EPG5: variants seen among roughly 807,000 people sequenced by gnomAD.
The protein encoded by EPG5 is ectopic P granules protein 5 homolog.
In EPG5, 159 loss-of-function variants were observed where a neutral mutation model predicts 302.7. The observed-to-expected ratio is 0.53, with a 90% CI of 0.46 to 0.60. The LOEUF is 0.60. EPG5 is among the 20% of genes least tolerant of loss of function. EPG5 has a pLI of 0.00. For synonymous variants in EPG5, 1,158 were observed against 1,136.8 expected (o/e 1.02, Z -0.37); for missense variants, 2,896 against 3,092.4 (o/e 0.94, Z 1.51).
chr18:45,922,554 G>A lies in EPG5; in HGVS notation c.2885C>T (p.Thr962Ile), dbSNP rs1343325094. ...ATTCCAGGCCCATTGGTTAAATGAG[G>A]TCTCGGGTGTCTCTCCATATCGAAC... is the stretch of plus-strand genomic sequence containing the variant. Reference protein sequence around the residue: ...SIVRYGETPETSFNQWAWNLI... With the variant: ...SIVRYGETPEISFNQWAWNLI... Residue 962 changes from threonine to isoleucine, a missense_variant, in exon 16 of 44, where the codon ACC (threonine) becomes ATC (isoleucine). Thr to Ile is a moderately conservative substitution (Grantham distance 89). Coordinates refer to ENST00000282041, the MANE Select transcript of EPG5 (RefSeq NM_020964.3). 2 of 1,614,198 alleles carry A rather than the reference G, an allele frequency of 1.2e-6. No individual in the cohort carries two copies. Among genetic ancestry groups the A allele is most frequent in the Admixed American group, 1.7e-5 (1 of 60,026 alleles).
intron 35 of EPG5, among the ~76,000 whole-genome samples, chr18:45,874,827 G>A (rs577259352): frequency 5.3e-4 from 81 of 152,266 alleles, no homozygotes; most frequent in Non-Finnish European, 5.9e-4. Flanking sequence ...TGTATTCAGT[G>A]GAAGAAAACA....
intron 35 of EPG5, among the ~76,000 whole-genome samples, chr18:45,875,843 T>C (rs1246448935): frequency 6.6e-6 from 1 of 152,096 alleles, no homozygotes; most frequent in Non-Finnish European, 1.5e-5. Flanking sequence ...TAGCCTGAGC[T>C]CAGGAGTTTG....
At chr18:45,880,317 A>C (rs986467984) in intron 31 of EPG5, 94 bp from the exon 32 acceptor site, 122 of 1,220,388 alleles carry the variant, frequency 1.0e-4, no homozygotes, top group Non-Finnish European at 1.3e-4. Context: ...TAAAGGAATA[A>C]AAATAAAGCC....
chr18:45,816,319 G>C, the EPG5 span, among the ~76,000 whole-genome samples: 17 of 151,882 alleles, frequency 1.1e-4, no homozygotes, highest in Non-Finnish European at 2.2e-4. Flanking sequence ...TTCAGCAAAA[G>C]GTATCGTCAG....
chr18:45,896,796 C>G (rs1428610593), intron 27 of EPG5, among the ~76,000 whole-genome samples: 3 of 152,194 alleles, frequency 2.0e-5, no homozygotes, highest in Non-Finnish European at 4.4e-5. Flanking sequence ...ATCTGCCCAC[C>G]TCAACCTCCC....
chr18:45,828,865 T>C, the EPG5 span, among the ~76,000 whole-genome samples: 1 of 151,842 alleles, frequency 6.6e-6, no homozygotes, highest in African/African-American at 2.4e-5. Context: ...GATGCAGGGG[T>C]GCTTATTCGG....
chr18:45,903,009 C>A (rs187425202), intron 25 of EPG5, among the ~76,000 whole-genome samples: 3 of 152,178 alleles, frequency 2.0e-5, no homozygotes, highest in African/African-American at 7.2e-5. Flanking sequence ...TTAACTCCAG[C>A]GAAAACAATT....
intron 1 of EPG5, among the ~76,000 whole-genome samples, chr18:45,958,371 G>A (rs2051076523): frequency 6.6e-6 from 1 of 152,104 alleles, no homozygotes; most frequent in Admixed American, 6.5e-5. Context: ...ACAACAGACA[G>A]AAAATCTTGA....
the EPG5 span, among the ~76,000 whole-genome samples, chr18:45,814,345 G>T: frequency 6.6e-6 from 1 of 152,150 alleles, no homozygotes; most frequent in East Asian, 1.9e-4. Flanking sequence ...AGAGATAAAG[G>T]CTCGAGAAAT....
At chr18:45,901,697 A>G (rs931821646) in intron 25 of EPG5, among the ~76,000 whole-genome samples, 4 of 152,174 alleles carry the variant, frequency 2.6e-5, no homozygotes, top group African/African-American at 9.7e-5. Flanking sequence ...ATGCAGTCAT[A>G]TAGTCCATCA....
At chr18:45,810,194 A>G in the EPG5 span, among the ~76,000 whole-genome samples, 1 of 152,210 alleles carries the variant, frequency 6.6e-6, no homozygotes, top group Non-Finnish European at 1.5e-5. Context: ...ACAGACCAAT[A>G]TCAAGCAGTG....
chr18:45,862,956 G>C (rs1015627033), intron 39 of EPG5, among the ~76,000 whole-genome samples: 1 of 152,128 alleles, frequency 6.6e-6, no homozygotes, highest in Admixed American at 6.5e-5. Context: ...TTAAAAGTTT[G>C]CTTCTTAATT....
chr18:45,895,772 G>A lies in EPG5; in HGVS notation c.4809+3632C>T, dbSNP rs79375094. On this transcript the variant is annotated intron_variant, in intron 27 of 43. Coordinates refer to ENST00000282041, the MANE Select transcript of EPG5 (RefSeq NM_020964.3). ...TCTATATAGAGGGCTACAGTTTTAT[G>A]TATAAAAATAACACAACCTACCTTT... Among the ~76,000 whole-genome samples, 874 of 152,282 alleles carry A rather than the reference G, an allele frequency of 5.7e-3. 16 individuals carry two copies. Among genetic ancestry groups the A allele is most frequent in the African/African-American group, 0.02 (842 of 41,558 alleles).
Position 45,847,712 on chromosome 18 carries a change from T to C in EPG5, c.*4755A>G, listed in dbSNP as rs182805989. ...TAAAAACTTACCCTTTGTACAAGTATGAAAAATGTGGAACAATGAATAAGT... is the reference window on the plus strand; with the variant it reads ...TAAAAACTTACCCTTTGTACAAGTACGAAAAATGTGGAACAATGAATAAGT... On this transcript the variant is annotated 3_prime_UTR_variant, in exon 44 of 44. Coordinates refer to ENST00000282041, the MANE Select transcript of EPG5 (RefSeq NM_020964.3). 2 of 152,548 alleles carry C rather than the reference T, an allele frequency of 1.3e-5. No individual in the cohort carries two copies. The highest frequency in any genetic ancestry group is 6.6e-5 in the Admixed American group (1 of 15,262). 9.4% of individuals were successfully genotyped at this position (152,548 alleles called of 1,614,324 possible).
intron 24 of EPG5, among the ~76,000 whole-genome samples, chr18:45,906,150 T>C (rs1051269956): frequency 1.3e-5 from 2 of 152,292 alleles, no homozygotes; most frequent in African/African-American, 2.4e-5. Flanking sequence ...AGAGCTCTCG[T>C]TGAAGCCCCT....
chr18:45,933,573 G>A (rs902282165), intron 11 of EPG5, among the ~76,000 whole-genome samples: 1 of 151,954 alleles, frequency 6.6e-6, no homozygotes, highest in African/African-American at 2.4e-5. Context: ...AGCTACTCAG[G>A]AGGCTGAGCT....
At chr18:45,918,018 T>C (rs1352991348) in intron 16 of EPG5, among the ~76,000 whole-genome samples, 199 bp from the exon 17 acceptor site, 1 of 152,246 alleles carries the variant, frequency 6.6e-6, no homozygotes, top group Non-Finnish European at 1.5e-5. Flanking sequence ...TTTATTTTCA[T>C]TGTATGGATG....
intron 20 of EPG5, among the ~76,000 whole-genome samples, chr18:45,914,127 C>A (rs907439433): frequency 3.9e-5 from 6 of 152,198 alleles, no homozygotes; most frequent in Non-Finnish European, 8.8e-5. Flanking sequence ...GGAAAGAGGA[C>A]CAGACAGGGG....
chr18:45,805,588 T>G, the EPG5 span, among the ~76,000 whole-genome samples: 1 of 152,024 alleles, frequency 6.6e-6, no homozygotes, highest in Non-Finnish European at 1.5e-5. Context: ...CAGAGCTTGT[T>G]GTAATGGCTT....
Sources: allele counts gnomAD v4.1 joint callset (sites outside exome capture counted in the v4.1 genomes callset), GRCh38; gene constraint gnomAD v4.1.1; transcripts MANE v1.5; gene names NCBI Gene and HGNC (gene_info 2026-07-23, HGNC 2026-07-21).